The following MORN1 variants were observed in gnomAD, a reference collection of about 807,000 sequenced individuals.
MORN1 encodes the protein MORN repeat containing 1, also known as MORN repeat-containing protein 1.
MORN1 carries 67 observed loss-of-function variants against 61.9 expected under a neutral mutation model. The observed-to-expected ratio is 1.08, with a 90% CI of 0.89 to 1.33. The LOEUF is 1.33. MORN1 is among the 40% of genes most tolerant of loss of function. MORN1 has a pLI of 0.00. For missense variants in MORN1, 752 were observed against 691.2 expected (o/e 1.09, Z -0.99); for synonymous variants, 301 against 292.0 (o/e 1.03, Z -0.31).
intron 1 of MORN1, among the ~76,000 whole-genome samples, chr1:2,390,296 G>C (rs893648172): frequency 2.0e-5 from 3 of 152,190 alleles, no homozygotes; most frequent in East Asian, 1.9e-4. Context: ...AGAGGTGCTC[G>C]GGAGGTGGTG....
At chr1:2,381,089 G>C (rs1174172945) in intron 6 of MORN1, among the ~76,000 whole-genome samples, 1 of 152,248 alleles carries the variant, frequency 6.6e-6, no homozygotes, top group African/African-American at 2.4e-5. Flanking sequence ...TGAGCCAAGA[G>C]AGCCTCGCTT....
chr1:2,360,011 G>A (rs1352397735), intron 8 of MORN1, among the ~76,000 whole-genome samples: 2 of 152,210 alleles, frequency 1.3e-5, no homozygotes, highest in Non-Finnish European at 1.5e-5. Flanking sequence ...TGGGCCATTC[G>A]GACAAAGCAG....
rs865800430 is a variant in MORN1, at chr1:2,349,111, C to G, written c.1036+8321G>C. On this transcript the variant is annotated intron_variant, in intron 10 of 13. Transcript: ENST00000378531. Reference sequence around the variant, plus strand: ...GCTCCATTGGGCCCAACGCCCAGAGCAGGGGCTCGGAGACCCCGCTGGCCA... The same window carrying G: ...GCTCCATTGGGCCCAACGCCCAGAGGAGGGGCTCGGAGACCCCGCTGGCCA... Among the ~76,000 whole-genome samples, 22 of 152,232 alleles carry G rather than the reference C, an allele frequency of 1.4e-4. 1 individual carries two copies. The highest frequency in any genetic ancestry group is 8.5e-4 in the Admixed American group (13 of 15,292).
chr1:2,348,696 CGCACGCACACGCACACCTGCGCGG>C lies in MORN1; in HGVS notation c.1036+8712_1036+8735del, dbSNP rs1169051038. Among the ~76,000 whole-genome samples, 570 of 147,370 alleles carry C rather than the reference CGCACGCACACGCACACCTGCGCGG, an allele frequency of 3.9e-3. 26 individuals are homozygous for C. The highest frequency in any genetic ancestry group is 0.01 in the Middle Eastern group (3 of 288). Reference sequence around the variant, plus strand: ...ACACCTGCGCAGGCACGCACACACACGCACGCACACGCACACCTGCGCGGGCACGCACACGCACACCTGCGCGGG... The same window carrying C: ...ACACCTGCGCAGGCACGCACACACACGCACGCACACGCACACCTGCGCGGG... On this transcript the variant is annotated intron_variant, in intron 10 of 13. Transcript: ENST00000378531.
Position 2,336,724 on chromosome 1 carries a change from A to T in MORN1, c.1163T>A (p.Leu388His), listed in dbSNP as rs1036454953. The T allele has an allele frequency of 6.4e-7, 1 of 1,568,244 alleles. No individual in the cohort carries two copies. Among genetic ancestry groups the T allele is most frequent in the Non-Finnish European group, 8.6e-7 (1 of 1,157,980 alleles). ...GYHPFLFLDS[L>H]HKKAGGRSRG... is the part of the protein sequence containing the mutation. ...CCCCCCGTGGGCACCCACCTTGTGG[A>T]GGCTGTCCAGGAACAGGAAGGGGTG... The change falls in exon 11 of 14, where the codon CTC becomes CAC. Residue 388 changes from leucine (L) to histidine (H), a missense_variant. Leu to His is a moderately conservative substitution (Grantham distance 99). Transcript: ENST00000378531.
chr1:2,322,412 G>A (rs1640902403), intron 13 of MORN1: 5 of 985,454 alleles, frequency 5.1e-6, no homozygotes, highest in Non-Finnish European at 6.0e-6. Flanking sequence ...TCCAGACGCC[G>A]GCCTGGAAAA....
chr1:2,368,473 T>C (rs7546224), intron 8 of MORN1, among the ~76,000 whole-genome samples: 58,981 of 151,996 alleles, frequency 0.39, 11,605 homozygotes, highest in South Asian at 0.45. Context: ...TGGAAAGGGG[T>C]GGTAACTCCC....
At chr1:2,362,868 AAAAAAGAAACT>A (rs1641919520) in intron 8 of MORN1, among the ~76,000 whole-genome samples, 1 of 152,166 alleles carries the variant, frequency 6.6e-6, no homozygotes, top group East Asian at 1.9e-4. Flanking sequence ...CATCTCAAAA[AAAAAAGAAACT>A]AAAATCAAGA....
At chr1:2,379,177 AGCAG>A (rs763146056) in intron 6 of MORN1, 50 of 470,898 alleles carry the variant, frequency 1.1e-4, no homozygotes, top group Middle Eastern at 3.2e-4. Flanking sequence ...GTGCCTGGGT[AGCAG>A]CCGATGTCTC....
At chr1:2,360,044 G>T (rs1010137305) in intron 8 of MORN1, among the ~76,000 whole-genome samples, 2 of 152,216 alleles carry the variant, frequency 1.3e-5, no homozygotes, top group African/African-American at 4.8e-5. Context: ...CTCCCACTTG[G>T]GGTGGCCGTG....
chr1:2,382,388 A>C (rs1464729600), intron 6 of MORN1, among the ~76,000 whole-genome samples: 2 of 152,152 alleles, frequency 1.3e-5, no homozygotes, highest in East Asian at 3.9e-4. Flanking sequence ...ACTGGTGGGG[A>C]TCATGAGCCA....
At chr1:2,358,483 A>G (rs2100306887) in intron 9 of MORN1, 109 bp downstream of exon 9, 1 of 1,394,414 alleles carries the variant, frequency 7.2e-7, no homozygotes, top group East Asian at 2.3e-5. Context: ...CATTTGTCAT[A>G]ACCAGGACTT....
rs1382473007 is a variant in MORN1 at position 2,372,152 on chromosome 1, ACT to A, written c.745+327_745+328del. 3.9e-6 allele frequency: 1 copy of A among 255,294 alleles called. No homozygotes were observed. The highest frequency in any genetic ancestry group is 2.2e-5 in the African/African-American group (1 of 44,758). The allele number at this position is 255,294 out of a possible 1,614,324, so 15.8% of individuals were successfully genotyped here. The stretch of plus-strand genomic sequence containing the variant: ...ACTGTTCCTCCTAAAAAGGAAGGAC[ACT>A]CTGACACACGTGCACGCGTGCCCCC... On this transcript the variant is annotated intron_variant, in intron 8 of 13. Transcript: ENST00000378531. The surrounding 1 kb of genome is among the most constrained non-coding windows in gnomAD (Gnocchi z 5.4).
chr1:2,323,072 C>T (rs1478892933), intron 13 of MORN1: 3 of 985,308 alleles, frequency 3.0e-6, no homozygotes, highest in Admixed American at 1.2e-4. Flanking sequence ...AGCGGCTGCG[C>T]ACAGGTGCCA....
chr1:2,342,559 C>T (rs1037462895), intron 10 of MORN1, among the ~76,000 whole-genome samples: 4 of 152,156 alleles, frequency 2.6e-5, no homozygotes, highest in African/African-American at 4.8e-5. Flanking sequence ...GAGAAGTCAG[C>T]GGGAACACGC....
intron 6 of MORN1, chr1:2,376,310 G>A (rs944472188): frequency 1.1e-4 from 16 of 152,298 alleles, no homozygotes; most frequent in African/African-American, 2.2e-4. Context: ...CACGCTGGAC[G>A]GGGAGAGGCG....
At chr1:2,374,769 TCC>T in intron 6 of MORN1, 1 of 531,492 alleles carries the variant, frequency 1.9e-6, no homozygotes, top group South Asian at 2.7e-5. Flanking sequence ...CAAAATATAC[TCC>T]CTTTGGAATT....
At chr1:2,345,581 C>T (rs1302020432) in intron 10 of MORN1, among the ~76,000 whole-genome samples, 1 of 152,244 alleles carries the variant, frequency 6.6e-6, no homozygotes, top group Non-Finnish European at 1.5e-5. Flanking sequence ...ACACAGGCTG[C>T]CGGCAGCATT....
chr1:2,364,199 G>C (rs1641954293), intron 8 of MORN1, among the ~76,000 whole-genome samples: 1 of 152,140 alleles, frequency 6.6e-6, no homozygotes, highest in African/African-American at 2.4e-5. Flanking sequence ...CAGTTACTAG[G>C]GATAAAGAAA....
Sources: gnomAD v4.1 joint callset for allele counts (sites outside exome capture counted in the v4.1 genomes callset) on GRCh38, gnomAD v4.1.1 for gene constraint, Gnocchi (gnomAD v3.1) non-coding constraint, MANE v1.5 for transcripts, NCBI Gene and HGNC (gene_info 2026-07-23, HGNC 2026-07-21) for gene names.